CCND3: variants seen among roughly 807,000 people sequenced by gnomAD.
CCND3 encodes G1/S-specific cyclin-D3.
CCND3 carries 9 observed loss-of-function variants against 28.7 expected under a neutral mutation model. The ratio of observed to expected loss-of-function variants is 0.31; its 90% CI spans 0.19 to 0.55. CCND3 has a LOEUF of 0.55. Ranked by LOEUF, CCND3 falls within the 20% of genes least tolerant of loss-of-function variation. The pLI, the probability that CCND3 is intolerant of heterozygous loss-of-function variation, is 0.93. For missense variants in CCND3, 315 were observed against 385.8 expected, an observed-to-expected ratio of 0.82 and a Z score of 1.54; for synonymous variants, 164 against 163.9, an observed-to-expected ratio of 1.00 and a Z score of 0.00.
chr6:42,045,357 C>G (rs1409312617), intron 1 of CCND3, among the ~76,000 whole-genome samples: 2 of 152,150 alleles, frequency 1.3e-5, no homozygotes, highest in Non-Finnish European at 2.9e-5. Flanking sequence ...AGCAAGTTTG[C>G]CTTTCTGAGC....
chr6:42,024,197 A>G (rs942803613), intron 1 of CCND3, among the ~76,000 whole-genome samples: 9 of 151,940 alleles, frequency 5.9e-5, no homozygotes, highest in African/African-American at 1.7e-4. Context: ...AGGTCAGGAG[A>G]TGGAGACCAT....
intron 1 of CCND3, among the ~76,000 whole-genome samples, chr6:42,011,313 C>T (rs1053810816): frequency 3.3e-5 from 5 of 152,130 alleles, no homozygotes; most frequent in South Asian, 4.2e-4. Context: ...TTTGTAGAGA[C>T]GGGATCTAAC....
intron 1 of CCND3, among the ~76,000 whole-genome samples, chr6:42,006,894 C>A (rs9471725): frequency 6.7e-6 from 1 of 148,542 alleles, no homozygotes; most frequent in Non-Finnish European, 1.5e-5. Context: ...GGTGACAGAG[C>A]AAGACTCTGT....
intron 1 of CCND3, among the ~76,000 whole-genome samples, chr6:42,041,340 G>C (rs552548999): frequency 5.3e-5 from 8 of 152,356 alleles, no homozygotes; most frequent in African/African-American, 1.4e-4. Context: ...TTGGGTCCTA[G>C]AGGTAGAATT....
chr6:41,955,183 C>A (rs1776407675), intron 1 of CCND3, among the ~76,000 whole-genome samples: 1 of 152,022 alleles, frequency 6.6e-6, no homozygotes, highest in African/African-American at 2.4e-5. Flanking sequence ...CAAACGCTTT[C>A]AGAGAATATA....
At chr6:42,025,554 C>T (rs1386404467) in intron 1 of CCND3, among the ~76,000 whole-genome samples, 1 of 152,180 alleles carries the variant, frequency 6.6e-6, no homozygotes, top group East Asian at 1.9e-4. Context: ...AAATCAGATT[C>T]CACGCCTGGT....
upstream of CCND3, among the ~76,000 whole-genome samples, chr6:41,945,579 C>T (rs1242324821): frequency 6.6e-6 from 1 of 152,104 alleles, no homozygotes; most frequent in East Asian, 1.9e-4. Flanking sequence ...GGCCCATCAC[C>T]CCACAGTCCA....
chr6:42,046,655 CA>C (rs1764554663), intron 1 of CCND3, among the ~76,000 whole-genome samples: 1 of 151,034 alleles, frequency 6.6e-6, no homozygotes, highest in African/African-American at 2.4e-5. Flanking sequence ...CACGCGCGCG[CA>C]CACACACACA....
In CCND3 at chr6:41,976,330, C is replaced by T. The variant is rs374724217; in HGVS notation, c.-45-35745G>A. Among the ~76,000 whole-genome samples the T allele has an allele frequency of 2.1e-4, 32 of 151,334 alleles. No individual in the cohort carries two copies. The East Asian group carries it at 3.5e-3, about 17-fold the overall frequency. On this transcript the variant is annotated intron_variant, in intron 1 of 4. Transcript: ENST00000372988. ...TCTCACCACTGCACTCCAGCCTGGGCGACAGAGCAAGACTCTGTCAAAAAA... is the reference window on the plus strand; with the variant it reads ...TCTCACCACTGCACTCCAGCCTGGGTGACAGAGCAAGACTCTGTCAAAAAA...
intron 1 of CCND3, among the ~76,000 whole-genome samples, chr6:41,952,672 T>G (rs1050087064): frequency 6.6e-6 from 1 of 152,178 alleles, no homozygotes; most frequent in African/African-American, 2.4e-5. Flanking sequence ...GAATGGTAAG[T>G]GCCATGGACA....
rs1202872573 is a variant in CCND3, at chr6:41,941,591, C to T, written c.59G>A (p.Arg20Gln). 6.5e-7 allele frequency: 1 copy of T among 1,546,238 alleles called. No individual in the cohort carries two copies. The highest frequency in any genetic ancestry group is 1.4e-5 in the African/African-American group (1 of 73,082). ...CAGGACACGCTGGTCCCCCAGCAGC[C>T]GCGGGTCCGGCCCGGCCCGGGGCGC... ...RHAPRAGPDP[R>Q]LLGDQRVLQS... Residue 20 changes from arginine to glutamine, a missense_variant, in exon 1 of 5, where the codon CGG (arginine) becomes CAG (glutamine). Physicochemically the swap from Arg to Gln is conservative, Grantham distance 43 (BLOSUM62 1). Coordinates refer to ENST00000372991, the MANE Select transcript of CCND3 (RefSeq NM_001760.5). The surrounding 1 kb of genome is among the most constrained non-coding windows in gnomAD (Gnocchi z 6.1).
In CCND3 at chr6:41,996,779, C is replaced by T. The variant is rs1762821943; in HGVS notation, c.-46+51722G>A. On this transcript the variant is annotated intron_variant, in intron 1 of 4. Coordinates refer to the CCND3 transcript ENST00000372988. ...TCCCAGGTTCAAGCGATTCTCCTGC[C>T]TCAGCCTCCCAAGTAGCTGGGACTG... Among the ~76,000 whole-genome samples the T allele has an allele frequency of 1.3e-5, 2 of 151,964 alleles. 1 individual carries two copies. The highest frequency in any genetic ancestry group is 4.1e-4 in the South Asian group (2 of 4,826).
intron 1 of CCND3, among the ~76,000 whole-genome samples, chr6:41,975,745 T>TA (rs1240393092): frequency 6.6e-6 from 1 of 152,050 alleles, no homozygotes; most frequent in Non-Finnish European, 1.5e-5. Context: ...GACTTTTTTT[T>TA]TTTTTTTTTA....
At chr6:41,996,145 TTGTTTG>T (rs1479726097) in intron 1 of CCND3, among the ~76,000 whole-genome samples, 190 of 130,848 alleles carry the variant, frequency 1.5e-3, no homozygotes, top group Middle Eastern at 3.8e-3. Context: ...TATATTTTTT[TTGTTTG>T]TTTGTTTGTT....
chr6:41,936,227 G>GC lies in CCND3; in HGVS notation c.712-121dup. ...TCTGGGGAGGTTAGGCCACAGCCCG[G>GC]CCCCAGGAATCGCTCTTTAGTTCTC... On this transcript the variant is annotated intron_variant, in intron 4 of 4. Transcript: ENST00000372991. The surrounding 1 kb of genome is among the most constrained non-coding windows in gnomAD (Gnocchi z 4.4). 1 of 1,114,998 alleles carries GC rather than the reference G, an allele frequency of 9.0e-7. No individual in the cohort carries two copies. Among genetic ancestry groups the GC allele is most frequent in the Non-Finnish European group, 1.3e-6 (1 of 792,740 alleles). The allele number at this position is 1,114,998 out of a possible 1,614,324, so 69.1% of individuals were successfully genotyped here.
At chr6:41,988,738 G>T (rs1372087429) in intron 1 of CCND3, among the ~76,000 whole-genome samples, 4 of 130,826 alleles carry the variant, frequency 3.1e-5, no homozygotes, top group Non-Finnish European at 6.3e-5. Flanking sequence ...TGGCTCTGTC[G>T]CCCAGGCTGG....
intron 1 of CCND3, among the ~76,000 whole-genome samples, chr6:42,029,154 T>A (rs1455718995): frequency 6.6e-6 from 1 of 151,374 alleles, no homozygotes; most frequent in African/African-American, 2.4e-5. Flanking sequence ...TTTTAATTTT[T>A]TTTTTTTTTA....
chr6:41,993,610 G>T (rs1441891770), intron 1 of CCND3, among the ~76,000 whole-genome samples: 1 of 151,498 alleles, frequency 6.6e-6, no homozygotes, highest in Non-Finnish European at 1.5e-5. Context: ...GGGGTTTCAC[G>T]ATTTGGCCAG....
intron 1 of CCND3, among the ~76,000 whole-genome samples, chr6:41,948,689 A>C (rs1027542349): frequency 2.0e-5 from 3 of 151,896 alleles, no homozygotes; most frequent in Admixed American, 2.0e-4. Context: ...AATACAAAAA[A>C]ATTAGCTGGG....
Sources: allele counts gnomAD v4.1 joint callset (sites outside exome capture counted in the v4.1 genomes callset), GRCh38; gene constraint gnomAD v4.1.1; non-coding constraint Gnocchi (gnomAD v3.1); transcripts MANE v1.5; gene names NCBI Gene and HGNC (gene_info 2026-07-23, HGNC 2026-07-21).